PCDHGA2: variants seen among roughly 807,000 people sequenced by gnomAD.
The protein encoded by PCDHGA2 is protocadherin gamma subfamily A, 2, also known as protocadherin gamma-A2.
A neutral mutation model predicts 59.2 loss-of-function variants in PCDHGA2; 40 were observed. The observed-to-expected ratio is 0.68, with a 90% confidence interval of 0.52 to 0.88. PCDHGA2 has a LOEUF of 0.88. Ranked by LOEUF, PCDHGA2 falls within the 40% of genes least tolerant of loss-of-function variation. PCDHGA2 has a pLI of 0.00. For missense variants in PCDHGA2, 1,226 were observed against 1,204.0 expected (o/e 1.02, Z -0.27); for synonymous variants, 560 against 526.0 (o/e 1.06, Z -0.89).
At chr5:141,464,944 G>T (rs1379789566) in intron 1 of PCDHGA2, among the ~76,000 whole-genome samples, 1 of 151,826 alleles carries the variant, frequency 6.6e-6, no homozygotes, top group African/African-American at 2.4e-5. Context: ...GTCTCACTAT[G>T]TTGCCCAGGC....
Position 141,477,689 on chromosome 5 carries a change from C to T in PCDHGA2, c.2425-17118C>T. The T allele has an allele frequency of 6.2e-7, 1 of 1,614,156 alleles. No individual in the cohort carries two copies. The highest frequency in any genetic ancestry group is 8.5e-7 in the Non-Finnish European group (1 of 1,180,024). ...TGGCATAGTGTCATCCTTAGTGCCC[C>T]TAGACTATGAGGATCGGCGGGAATT... On this transcript the variant is annotated intron_variant, in intron 1 of 3. Transcript: ENST00000394576. This position sits in a 1 kb window ranked among gnomAD's most constrained non-coding sequence, Gnocchi z 4.9.
intron 1 of PCDHGA2, chr5:141,492,036 T>A: frequency 1.9e-6 from 1 of 536,866 alleles, no homozygotes; most frequent in Non-Finnish European, 3.2e-6. Flanking sequence ...GAGGAGGCAG[T>A]CACAGATCCA....
intron 1 of PCDHGA2, chr5:141,408,855 G>A: frequency 6.2e-7 from 1 of 1,613,572 alleles, no homozygotes; most frequent in Non-Finnish European, 8.5e-7. Flanking sequence ...TTGGACGGAG[G>A]GGACCCACCA....
intron 1 of PCDHGA2, among the ~76,000 whole-genome samples, chr5:141,380,801 AT>A (rs1776749377): frequency 6.6e-6 from 1 of 152,258 alleles, no homozygotes; most frequent in Non-Finnish European, 1.5e-5. Context: ...TAAGAAACAA[AT>A]GTGAGATGAA....
chr5:141,371,968 T>C (rs768442022), intron 1 of PCDHGA2: 3 of 1,613,154 alleles, frequency 1.9e-6, no homozygotes, highest in Admixed American at 1.7e-5. Context: ...CACGAGCAGC[T>C]GCGTGCCTTC....
chr5:141,420,525 C>T (rs895355117), intron 1 of PCDHGA2: 2 of 358,086 alleles, frequency 5.6e-6, no homozygotes, highest in South Asian at 2.1e-4. Flanking sequence ...AAATACCTTT[C>T]GGTTAAAAAT....
chr5:141,437,622 A>G (rs1007643306), intron 1 of PCDHGA2, among the ~76,000 whole-genome samples: 2 of 152,192 alleles, frequency 1.3e-5, no homozygotes, highest in Non-Finnish European at 2.9e-5. Flanking sequence ...TTATCCCCAT[A>G]TAAGATGTCA....
chr5:141,383,075 TG>T, intron 1 of PCDHGA2: 2 of 1,613,878 alleles, frequency 1.2e-6, no homozygotes, highest in Non-Finnish European at 1.7e-6. Flanking sequence ...CCCCGGGAGC[TG>T]GCGGAGCGCG....
chr5:141,363,227 A>G (rs920377728), intron 1 of PCDHGA2, among the ~76,000 whole-genome samples: 2 of 152,228 alleles, frequency 1.3e-5, no homozygotes, highest in Non-Finnish European at 2.9e-5. Context: ...CTTACAACCT[A>G]TGTTCACATC....
chr5:141,402,879 C>T, intron 1 of PCDHGA2: 1 of 1,471,232 alleles, frequency 6.8e-7, no homozygotes, highest in Non-Finnish European at 9.0e-7. Flanking sequence ...CCATACTTTG[C>T]AGGGTGGAAG....
chr5:141,415,419 C>T (rs2095868053), intron 1 of PCDHGA2: 1 of 1,614,196 alleles, frequency 6.2e-7, no homozygotes, highest in Non-Finnish European at 8.5e-7. Context: ...TGGGCGTGGA[C>T]GGGGTTCGGG....
In PCDHGA2 at chr5:141,505,470, C is replaced by T. The variant is rs1241228956; in HGVS notation, c.2561C>T (p.Ala854Val). Reference protein sequence around the residue: ...DTEMLQAMILASASEAADGSS... With the variant: ...DTEMLQAMILVSASEAADGSS... ...GAGATGCTGCAAGCCATGATCTTGG[C>T]GTCCGCCAGTGGTAAGTGGTGTCAG... The change falls in exon 3 of 4, where the codon GCG becomes GTG. Residue 854 changes from alanine (A) to valine (V), a missense_variant. By Grantham distance (64) the Ala-to-Val change is moderately conservative. Transcript: ENST00000394576. 2 of 1,614,068 alleles carry T rather than the reference C, an allele frequency of 1.2e-6. No individual in the cohort carries two copies. Among genetic ancestry groups the T allele is most frequent in the Non-Finnish European group, 8.5e-7 (1 of 1,180,010 alleles).
rs2154594676 is a variant in PCDHGA2, at chr5:141,511,333, G to A, written c.*160G>A. 6.9e-7 allele frequency: 1 copy of A among 1,441,948 alleles called. No homozygotes were observed. Among genetic ancestry groups the A allele is most frequent in the Non-Finnish European group, 9.2e-7 (1 of 1,085,894 alleles). The allele number at this position is 1,441,948 out of a possible 1,614,324, so 89.3% of individuals were successfully genotyped here. On this transcript the variant is annotated 3_prime_UTR_variant, in exon 4 of 4. Transcript: ENST00000394576. Reference sequence around the variant, plus strand: ...GGAAACAGAAACAAGTGCCCAGTCAGCACCTACCCCTTCCCCCCCAGGGGG... The same window carrying A: ...GGAAACAGAAACAAGTGCCCAGTCAACACCTACCCCTTCCCCCCCAGGGGG...
intron 1 of PCDHGA2, among the ~76,000 whole-genome samples, chr5:141,483,208 G>A (rs1195144442): frequency 6.6e-6 from 1 of 152,196 alleles, no homozygotes; most frequent in East Asian, 1.9e-4. Context: ...ATTCCATATA[G>A]ATGACAGTCA....
Position 141,476,387 on chromosome 5 carries a change from C to G in PCDHGA2, c.2425-18420C>G, listed in dbSNP as rs147660262. Reference sequence around the variant, plus strand: ...GACCGGAGAGATGTTTGTGAACGACCGTCTGGATCGAGAGGAGCTGTGTGG... The same window carrying G: ...GACCGGAGAGATGTTTGTGAACGACGGTCTGGATCGAGAGGAGCTGTGTGG... On this transcript the variant is annotated intron_variant, in intron 1 of 3. Coordinates refer to ENST00000394576, the MANE Select transcript of PCDHGA2 (RefSeq NM_018915.4). The surrounding 1 kb of genome is among the most constrained non-coding windows in gnomAD (Gnocchi z 7.6). 3.6e-4 allele frequency: 587 copies of G among 1,614,076 alleles called. No individual in the cohort carries two copies. The highest frequency in any genetic ancestry group is 4.7e-4 in the Non-Finnish European group (549 of 1,180,024).
chr5:141,383,611 C>A lies in PCDHGA2; in HGVS notation c.2424+42216C>A, dbSNP rs757490099. ...GGTGACAGTGGTGGATGTGAATGAC[C>A]ACACGCCTGTCTTCTCTCTGCCTCA... On this transcript the variant is annotated intron_variant, in intron 1 of 3. Coordinates refer to ENST00000394576, the MANE Select transcript of PCDHGA2 (RefSeq NM_018915.4). 8 of 1,613,656 alleles carry A rather than the reference C, an allele frequency of 5.0e-6. No individual in the cohort carries two copies. The Admixed American group carries it at 1.3e-4, about 27-fold the overall frequency.
chr5:141,370,288 C>A, intron 1 of PCDHGA2: 1 of 1,009,420 alleles, frequency 9.9e-7, no homozygotes, highest in Non-Finnish European at 1.4e-6. Flanking sequence ...ATTAGAGAAC[C>A]CAAGCACAAA....
chr5:141,416,063 A>G (rs546746824), intron 1 of PCDHGA2: 201 of 176,914 alleles, frequency 1.1e-3, no homozygotes, highest in Non-Finnish European at 1.8e-3. Flanking sequence ...ATCCAAGAAT[A>G]CTCAATGCAG....
rs765090248 is a variant in PCDHGA2, at chr5:141,339,066, G to T, written c.95G>T (p.Arg32Leu). 6.2e-7 allele frequency: 1 copy of T among 1,613,578 alleles called. No homozygotes were observed. The highest frequency in any genetic ancestry group is 8.5e-7 in the Non-Finnish European group (1 of 1,179,466). ...TLWEARAGQIRYSVREEIDRG... is the reference protein window; with the variant it reads ...TLWEARAGQILYSVREEIDRG... ...TGGGAGGCCAGGGCCGGGCAGATTC[G>T]CTATTCTGTGCGGGAAGAGATCGAC... The change falls in exon 1 of 4, where the codon CGC becomes CTC. Residue 32 changes from arginine to leucine, a missense_variant. Transcript: ENST00000394576.
Sources: allele counts gnomAD v4.1 joint callset (sites outside exome capture counted in the v4.1 genomes callset), GRCh38; gene constraint gnomAD v4.1.1; non-coding constraint Gnocchi (gnomAD v3.1); transcripts MANE v1.5; gene names NCBI Gene and HGNC (gene_info 2026-07-23, HGNC 2026-07-21).